CLVS1: variants seen among roughly 807,000 people sequenced by gnomAD.
CLVS1 encodes the protein clavesin 1.
CLVS1 carries 10 observed loss-of-function variants against 33.1 expected under a neutral mutation model. The ratio of observed to expected loss-of-function variants is 0.30; its 90% confidence interval spans 0.19 to 0.51. The LOEUF (loss-of-function observed/expected upper bound fraction) is 0.51, where lower values mean the gene tolerates loss of function less well. Among genes scored for constraint, CLVS1 ranks in the 20% least tolerant of loss-of-function variants. The pLI, the probability that CLVS1 is intolerant of heterozygous loss-of-function variation, is 0.97. For synonymous variants in CLVS1, 163 were observed against 166.1 expected (o/e 0.98, Z 0.14); for missense variants, 343 against 433.4 (o/e 0.79, Z 1.85).
At chr8:61,363,079 T>G (rs1290749078) in intron 2 of CLVS1, among the ~76,000 whole-genome samples, 1 of 152,170 alleles carries the variant, frequency 6.6e-6, no homozygotes, top group Non-Finnish European at 1.5e-5. Flanking sequence ...AGATAGAACT[T>G]TCCAGGGGCT....
Position 61,351,829 on chromosome 8 carries a change from T to C in CLVS1, c.456-24776T>C, listed in dbSNP as rs570779820. Among the ~76,000 whole-genome samples the C allele has an allele frequency of 3.9e-4, 60 of 152,188 alleles. 1 individual carries two copies. The highest frequency in any genetic ancestry group is 6.9e-4 in the Non-Finnish European group (47 of 67,968). On this transcript the variant is annotated intron_variant, in intron 2 of 5. Transcript: ENST00000325897. ...AGCTGTCAACTGTGACTTCTATATC[T>C]GGTGAGACTATTCTTCAGAAATAAA... is the stretch of plus-strand genomic sequence containing the variant.
At chr8:61,257,076 C>T (rs549695951) in intron 2 of CLVS1, among the ~76,000 whole-genome samples, 1 of 152,276 alleles carries the variant, frequency 6.6e-6, no homozygotes, top group South Asian at 2.1e-4. Flanking sequence ...TGGCTTTGAT[C>T]GATCATAACA....
chr8:61,233,623 C>T (rs529061751), intron 2 of CLVS1, among the ~76,000 whole-genome samples: 10 of 152,302 alleles, frequency 6.6e-5, no homozygotes, highest in Admixed American at 5.9e-4. Context: ...TAGAACCAGA[C>T]TCCTTCCCAT....
At chr8:61,389,259 G>C (rs560747222) in intron 3 of CLVS1, among the ~76,000 whole-genome samples, 15 of 152,266 alleles carry the variant, frequency 9.9e-5, no homozygotes, top group African/African-American at 3.4e-4. Context: ...AAATAACAGG[G>C]CCAAGTGCAG....
At chr8:61,122,200 G>A (rs1805883634) in intron 1 of CLVS1, among the ~76,000 whole-genome samples, 2 of 152,198 alleles carry the variant, frequency 1.3e-5, no homozygotes, top group Non-Finnish European at 2.9e-5. Context: ...CTGCTTATAA[G>A]TACAGAGCAA....
intron 1 of CLVS1, among the ~76,000 whole-genome samples, chr8:61,062,883 T>C (rs1221141661): frequency 6.6e-6 from 1 of 152,246 alleles, no homozygotes; most frequent in South Asian, 2.1e-4. Flanking sequence ...TTAGTTACTA[T>C]GAAATTACCC....
At chr8:61,421,187 C>T (rs1365516664) in intron 3 of CLVS1, among the ~76,000 whole-genome samples, 1 of 152,102 alleles carries the variant, frequency 6.6e-6, no homozygotes, top group Non-Finnish European at 1.5e-5. Context: ...TAGAACCGAA[C>T]CCCTCAGAGT....
chr8:61,001,275 C>T, the CLVS1 span, among the ~76,000 whole-genome samples: 15 of 152,294 alleles, frequency 9.8e-5, no homozygotes, highest in Non-Finnish European at 1.3e-4. Flanking sequence ...GTGCACACTG[C>T]CATGCCTGGC....
the CLVS1 span, among the ~76,000 whole-genome samples, chr8:61,017,612 T>C: frequency 3.3e-5 from 5 of 152,236 alleles, no homozygotes; most frequent in Non-Finnish European, 7.3e-5. Flanking sequence ...ACAGGATTCA[T>C]AGGAAAGCTG....
At chr8:61,432,762 C>T (rs1221059230) in intron 3 of CLVS1, among the ~76,000 whole-genome samples, 5 of 152,130 alleles carry the variant, frequency 3.3e-5, no homozygotes, top group African/African-American at 4.8e-5. Flanking sequence ...AAGTATAAAC[C>T]GAAAAGTGAC....
intron 3 of CLVS1, among the ~76,000 whole-genome samples, chr8:61,394,565 A>G (rs2129603095): frequency 6.6e-6 from 1 of 152,156 alleles, no homozygotes; most frequent in Middle Eastern, 3.4e-3. Flanking sequence ...TCCAGGGAAA[A>G]TTATGGCTGC....
At chr8:61,476,193 A>C (rs998681726) in intron 5 of CLVS1, among the ~76,000 whole-genome samples, 1 of 152,182 alleles carries the variant, frequency 6.6e-6, no homozygotes, top group Admixed American at 6.5e-5. Flanking sequence ...TGATTTGGTT[A>C]CTGTAGCCTT....
At chr8:61,088,990 G>A (rs1805181309) in intron 1 of CLVS1, among the ~76,000 whole-genome samples, 1 of 151,978 alleles carries the variant, frequency 6.6e-6, no homozygotes. Context: ...TTTTGGTAGA[G>A]ACGGGGTTTC....
chr8:60,983,856 G>T, the CLVS1 span, among the ~76,000 whole-genome samples: 1 of 152,232 alleles, frequency 6.6e-6, no homozygotes, highest in African/African-American at 2.4e-5. Flanking sequence ...TCCTCCTAAA[G>T]CCTGGTAGGA....
rs533436765 is a variant in CLVS1, at chr8:61,351,180, C to A, written c.456-25425C>A. Among the ~76,000 whole-genome samples the A allele has an allele frequency of 5.9e-5, 9 of 151,962 alleles. No individual in the cohort carries two copies. In the South Asian group the frequency reaches 1.7e-3, roughly 28 times the overall value. On this transcript the variant is annotated intron_variant, in intron 2 of 5. Transcript: ENST00000325897. ...ATGCTTCAGCAGTTGATTACAAATT[C>A]TCTGGAAACAAATAAAATATTAGAA... is the stretch of plus-strand genomic sequence containing the variant.
the CLVS1 span, among the ~76,000 whole-genome samples, chr8:61,004,547 C>T: frequency 6.6e-6 from 1 of 152,232 alleles, no homozygotes; most frequent in African/African-American, 2.4e-5. Context: ...GTGGCACAGA[C>T]AGATTTGCTA....
chr8:61,000,495 G>C, the CLVS1 span, among the ~76,000 whole-genome samples: 1 of 152,204 alleles, frequency 6.6e-6, no homozygotes, highest in Non-Finnish European at 1.5e-5. Context: ...CAGGAGACGT[G>C]AGAGGGATGA....
At chr8:61,068,803 CCACACA>C (rs1038673997) in intron 1 of CLVS1, among the ~76,000 whole-genome samples, 14 of 152,260 alleles carry the variant, frequency 9.2e-5, no homozygotes, top group African/African-American at 3.4e-4. Flanking sequence ...CATCTGCTCC[CCACACA>C]CACACCTCCC....
intron 2 of CLVS1, among the ~76,000 whole-genome samples, chr8:61,197,726 G>A (rs1324770392): frequency 6.6e-6 from 1 of 152,172 alleles, no homozygotes. Flanking sequence ...GGCCATGTTG[G>A]CCAGGCTGGT....
Sources: allele counts gnomAD v4.1 joint callset (sites outside exome capture counted in the v4.1 genomes callset), GRCh38; gene constraint gnomAD v4.1.1; transcripts MANE v1.5; gene names NCBI Gene and HGNC (gene_info 2026-07-23, HGNC 2026-07-21).